The following C10orf105 variants were observed in gnomAD, a reference collection of about 807,000 sequenced individuals.
The protein encoded by C10orf105 is uncharacterized protein C10orf105.
In C10orf105, 2 loss-of-function variants were observed where a neutral mutation model predicts 0.6. The ratio of observed to expected loss-of-function variants is 3.18; its 90% CI spans 1.30 to 10.01. The LOEUF is 10.01. C10orf105 is among the 30% of genes most tolerant of loss of function. The pLI is 0.04. For missense variants in C10orf105, 209 were observed against 191.4 expected (o/e 1.09, Z -0.54); for synonymous variants, 95 against 82.4 (o/e 1.15, Z -0.83).
chr10:71,721,781 G>A (rs1866570218), upstream of C10orf105, among the ~76,000 whole-genome samples: 1 of 152,160 alleles, frequency 6.6e-6, no homozygotes, highest in Admixed American at 6.5e-5. Context: ...CAGGGCATCA[G>A]TGCTGCTGAT....
Position 71,716,286 on chromosome 10 carries a change from C to G in C10orf105, c.52G>C (p.Ala18Pro). 1 of 1,525,864 alleles carries G rather than the reference C, an allele frequency of 6.6e-7. No homozygotes were observed. The highest frequency in any genetic ancestry group is 1.8e-4 in the Middle Eastern group (1 of 5,548). The allele number at this position is 1,525,864 out of a possible 1,614,324, so 94.5% of individuals were successfully genotyped here. The change falls in exon 2 of 2, where the codon GCC becomes CCC. Residue 18 changes from alanine to proline, a missense_variant. Ala to Pro is a conservative substitution (Grantham distance 27). Coordinates refer to ENST00000441508, the MANE Select transcript of C10orf105 (RefSeq NM_001164375.3). ...LASSPAISPLAFLSAPVTPGT... is the reference protein window; with the variant it reads ...LASSPAISPLPFLSAPVTPGT... The stretch of plus-strand genomic sequence containing the variant: ...GGAGTGACGGGAGCTGAGAGAAAGG[C>G]GAGGGGGCTGATGGCTGGGGAGCTG...
intron 1 of C10orf105, among the ~76,000 whole-genome samples, chr10:71,736,987 G>A (rs1839584388): frequency 6.6e-6 from 1 of 152,146 alleles, no homozygotes; most frequent in Non-Finnish European, 1.5e-5. Context: ...CAGAGGGAAC[G>A]GCAAGCACAA....
upstream of C10orf105, among the ~76,000 whole-genome samples, chr10:71,720,940 C>T (rs953838636): frequency 1.3e-5 from 2 of 152,224 alleles, no homozygotes; most frequent in Non-Finnish European, 2.9e-5. Flanking sequence ...GGCAAAGCAT[C>T]CGGCCCAAAG....
rs57638774 is a variant in C10orf105 at position 71,736,630 on chromosome 10, C to T, written c.-6+1098G>A. Among the ~76,000 whole-genome samples the T allele has an allele frequency of 1.5e-3, 226 of 152,282 alleles. 8 individuals are homozygous for T. In the East Asian group the frequency reaches 0.04, roughly 27 times the overall value. On this transcript the variant is annotated intron_variant, in intron 1 of 1. Coordinates refer to the C10orf105 transcript ENST00000398786. ...TCCTTCCTCACCCACTGAGGCCAACCCCCTTCCACTGGGAAGTCCAGCAGC... is the reference window on the plus strand; with the variant it reads ...TCCTTCCTCACCCACTGAGGCCAACTCCCTTCCACTGGGAAGTCCAGCAGC...
At chr10:71,716,405 G>A (rs942430932) in intron 1 of C10orf105, 63 bp from the exon 2 acceptor site, 1 of 1,354,074 alleles carries the variant, frequency 7.4e-7, no homozygotes. Flanking sequence ...AGCGGGTATA[G>A]GGAAGACTTA....
chr10:71,731,460 C>T (rs1839382544), intron 1 of C10orf105, among the ~76,000 whole-genome samples: 1 of 152,174 alleles, frequency 6.6e-6, no homozygotes, highest in Non-Finnish European at 1.5e-5. Context: ...CTGTGAACTT[C>T]AGCTTAGGAA....
Position 71,716,104 on chromosome 10 carries a change from G to T in C10orf105, c.234C>A (p.His78Gln), listed in dbSNP as rs1866214454. ...GCTGGGGCTCACTGGGGCTCCCAGG[G>T]TGGTGGGGCATGCACTCGTGAGCCC... ...RRRAHECMPHHPGSPSEPQLR... is the reference protein window; with the variant it reads ...RRRAHECMPHQPGSPSEPQLR... Residue 78 changes from histidine (H) to glutamine (Q), a missense_variant, in exon 2 of 2, where the codon CAC becomes CAA. Physicochemically the swap from His to Gln is conservative, Grantham distance 24 (BLOSUM62 0). Transcript: ENST00000441508. 2.6e-6 allele frequency: 4 copies of T among 1,543,368 alleles called. No individual in the cohort carries two copies. The highest frequency in any genetic ancestry group is 4.0e-5 in the Admixed American group (2 of 50,364).
intron 1 of C10orf105, chr10:71,734,389 C>G: frequency 6.4e-7 from 1 of 1,552,040 alleles, no homozygotes; most frequent in East Asian, 2.4e-5. Context: ...CCATCGCTGG[C>G]CATGACACTT....
Position 71,712,700 on chromosome 10 carries a change from G to A in C10orf105, c.*3236C>T. The A allele has an allele frequency of 6.2e-7, 1 of 1,613,720 alleles. No homozygotes were observed. The highest frequency in any genetic ancestry group is 8.5e-7 in the Non-Finnish European group (1 of 1,179,890). On this transcript the variant is annotated 3_prime_UTR_variant, in exon 2 of 2. Transcript: ENST00000441508. ...TGTAGGGAAGCGACACACGGGCACA[G>A]CCACCGTGTTCGTCACTGTCCTGGA...
chr10:71,725,263 C>T, intron 1 of C10orf105: 1 of 1,544,434 alleles, frequency 6.5e-7, no homozygotes, highest in Admixed American at 1.7e-5. Flanking sequence ...CCCGCAGCCT[C>T]CTCACAAGGA....
chr10:71,723,635 C>A (rs868362991), upstream of C10orf105, among the ~76,000 whole-genome samples: 1 of 152,090 alleles, frequency 6.6e-6, no homozygotes, highest in African/African-American at 2.4e-5. Flanking sequence ...CAAGGAAATG[C>A]GGGCAAGAAG....
intron 1 of C10orf105, chr10:71,734,600 C>T: frequency 6.3e-7 from 1 of 1,588,202 alleles, no homozygotes. Context: ...GACGGCTAAC[C>T]ATTTGCATCT....
chr10:71,722,892 G>A (rs116245248), upstream of C10orf105, among the ~76,000 whole-genome samples: 1,039 of 152,278 alleles, frequency 6.8e-3, 17 homozygotes, highest in African/African-American at 0.024. Context: ...GTGGGGCCCA[G>A]GGATGTGCAA....
At chr10:71,725,339 C>T in intron 1 of C10orf105, 1 of 1,614,030 alleles carries the variant, frequency 6.2e-7, no homozygotes. Flanking sequence ...CTGGGCAGGG[C>T]CGGTGTTCCA....
At chr10:71,727,089 G>T (rs187057320) in intron 1 of C10orf105, among the ~76,000 whole-genome samples, 1 of 152,182 alleles carries the variant, frequency 6.6e-6, no homozygotes, top group African/African-American at 2.4e-5. Flanking sequence ...ACACGTGCCC[G>T]ATATTTTTCT....
chr10:71,727,532 G>T (rs1310253212), intron 1 of C10orf105, among the ~76,000 whole-genome samples: 1 of 152,300 alleles, frequency 6.6e-6, no homozygotes, highest in African/African-American at 2.4e-5. Context: ...GGGGAGAGAC[G>T]GCTTGCAGGA....
intron 1 of C10orf105, among the ~76,000 whole-genome samples, chr10:71,736,783 G>T (rs1383609772): frequency 2.0e-5 from 3 of 152,206 alleles, no homozygotes; most frequent in African/African-American, 7.2e-5. Context: ...CATATCCCTT[G>T]CCTTCCTAAG....
Position 71,712,351 on chromosome 10 carries a change from G to A in C10orf105, c.*3585C>T, listed in dbSNP as rs1309673768. 3.7e-6 allele frequency: 1 copy of A among 269,726 alleles called. No individual in the cohort carries two copies. Among genetic ancestry groups the A allele is most frequent in the Non-Finnish European group, 7.1e-6 (1 of 141,544 alleles). The allele number at this position is 269,726 out of a possible 1,614,324, so 16.7% of individuals were successfully genotyped here. A position where few individuals can be genotyped will look rare whatever the true frequency, so the allele number is the denominator to read the frequency against. ...TAACATGGGTCTGTTTTTTTTGGGA[G>A]CCATCATTCAATCCACTTGAGTGCC... On this transcript the variant is annotated 3_prime_UTR_variant, in exon 2 of 2. Transcript: ENST00000441508.
intron 1 of C10orf105, among the ~76,000 whole-genome samples, chr10:71,719,274 G>A (rs1866438501): frequency 6.6e-6 from 1 of 152,148 alleles, no homozygotes; most frequent in African/African-American, 2.4e-5. Flanking sequence ...GGGAGAGGAT[G>A]CCTTGCCCGG....
Sources: gnomAD v4.1 joint callset for allele counts (sites outside exome capture counted in the v4.1 genomes callset) on GRCh38, gnomAD v4.1.1 for gene constraint, MANE v1.5 for transcripts, NCBI Gene and HGNC (gene_info 2026-07-23, HGNC 2026-07-21) for gene names.